Variants in GLDC observed in about 807,000 individuals in gnomAD.
GLDC encodes glycine dehydrogenase (decarboxylating), mitochondrial.
A neutral mutation model predicts 121.3 loss-of-function variants in GLDC; 104 were observed. The observed-to-expected ratio is 0.86, with a 90% confidence interval of 0.73 to 1.01. The LOEUF (loss-of-function observed/expected upper bound fraction) is 1.01. GLDC is among the 50% of genes least tolerant of loss of function. The probability of loss-of-function intolerance (pLI) is 0.00; values close to 1 mark genes in which losing one functional copy is unlikely to be tolerated. For missense variants in GLDC, 1,429 were observed against 1,306.6 expected (o/e 1.09, Z -1.44); for synonymous variants, 546 against 480.6 (o/e 1.14, Z -1.78).
chr9:6,626,589 T>G (rs913022225), intron 2 of GLDC, among the ~76,000 whole-genome samples: 1 of 152,198 alleles, frequency 6.6e-6, no homozygotes, highest in Non-Finnish European at 1.5e-5. Context: ...TTCAAGTGTT[T>G]CATTCAAATG....
At chr9:6,578,192 C>G (rs2129801791) in intron 15 of GLDC, among the ~76,000 whole-genome samples, 1 of 152,046 alleles carries the variant, frequency 6.6e-6, no homozygotes, top group East Asian at 1.9e-4. Flanking sequence ...GTGAACATGG[C>G]TCACTGCAGC....
chr9:6,635,531 G>A (rs761176013), intron 2 of GLDC, among the ~76,000 whole-genome samples: 3 of 152,092 alleles, frequency 2.0e-5, no homozygotes, highest in South Asian at 2.1e-4. Context: ...TAGTCATACC[G>A]CTGCACTCTA....
rs772682541 is a variant in GLDC, at chr9:6,536,055, C to T, written c.2838+9G>A. On this transcript the variant is annotated intron_variant, in intron 23 of 24. Coordinates refer to ENST00000321612, the MANE Select transcript of GLDC (RefSeq NM_000170.3). ...GAACATTTCAAGCAATGTTCCAGGG[C>T]CTACGCACCTTCAGCGGATTGACCC... 3 of 1,609,814 alleles carry T rather than the reference C, an allele frequency of 1.9e-6. No homozygotes were observed. Among genetic ancestry groups the T allele is most frequent in the African/African-American group, 1.3e-5 (1 of 74,944 alleles).
chr9:6,551,145 T>C (rs1415124582), intron 20 of GLDC, among the ~76,000 whole-genome samples: 1 of 152,252 alleles, frequency 6.6e-6, no homozygotes, highest in African/African-American at 2.4e-5. Flanking sequence ...TTCTTTATTG[T>C]AGTAGCAAAG....
chr9:6,559,406 T>C (rs1332569496), intron 16 of GLDC, among the ~76,000 whole-genome samples: 2 of 149,686 alleles, frequency 1.3e-5, no homozygotes, highest in Non-Finnish European at 2.9e-5. Flanking sequence ...TCCCAGTTAC[T>C]CGAGAGGCTG....
At chr9:6,577,621 A>C (rs1818092389) in intron 15 of GLDC, among the ~76,000 whole-genome samples, 1 of 152,156 alleles carries the variant, frequency 6.6e-6, no homozygotes, top group African/African-American at 2.4e-5. Context: ...CAAAAAGTAA[A>C]ATCACCTGAT....
At chr9:6,560,794 G>C (rs1817739915) in intron 16 of GLDC, among the ~76,000 whole-genome samples, 1 of 152,186 alleles carries the variant, frequency 6.6e-6, no homozygotes, top group Non-Finnish European at 1.5e-5. Flanking sequence ...CGGAACCTGT[G>C]GGTGTTTCCT....
In GLDC at chr9:6,534,653, G is replaced by T. The variant is rs762969885; in HGVS notation, c.2919+55C>A. 8 of 883,360 alleles carry T rather than the reference G, an allele frequency of 9.1e-6. No individual in the cohort carries two copies. The South Asian group carries it at 9.4e-5, about 10-fold the overall frequency. 54.7% of individuals were successfully genotyped at this position (883,360 alleles called of 1,614,324 possible). On this transcript the variant is annotated intron_variant, in intron 24 of 24. Coordinates refer to ENST00000321612, the MANE Select transcript of GLDC (RefSeq NM_000170.3). ...GAGGCTAAGAGCGTACACCCGTCAG[G>T]ATAGGAGCTGGCCCATGCCTTCCCA...
intron 5 of GLDC, among the ~76,000 whole-genome samples, chr9:6,606,309 C>CAAAAA (rs56758871): frequency 1.2e-4 from 11 of 90,026 alleles, no homozygotes; most frequent in East Asian, 3.7e-4. Context: ...GACTCCGTCT[C>CAAAAA]AAAAAAAAAA....
intron 21 of GLDC, among the ~76,000 whole-genome samples, chr9:6,549,113 A>T (rs995163428): frequency 1.3e-5 from 2 of 152,190 alleles, no homozygotes; most frequent in Admixed American, 6.5e-5. Context: ...TAAGACTCAT[A>T]ATTTAAAATC....
chr9:6,585,117 G>A (rs1929931), intron 15 of GLDC: 81,409 of 151,992 alleles, frequency 0.54, 22,307 homozygotes, highest in African/African-American at 0.58. Flanking sequence ...GGGCATCAGG[G>A]ATGTTATAAA....
chr9:6,629,958 T>TATATATATATATA, intron 2 of GLDC, among the ~76,000 whole-genome samples: 19 of 78,580 alleles, frequency 2.4e-4, no homozygotes, highest in Admixed American at 6.4e-4. Context: ...TATATATATA[T>TATATATATATATA]TTTTTTTTTT....
chr9:6,582,823 C>T (rs1318760814), intron 15 of GLDC, among the ~76,000 whole-genome samples: 4 of 147,222 alleles, frequency 2.7e-5, no homozygotes, highest in South Asian at 4.3e-4. Flanking sequence ...AGCGAGACCT[C>T]GTCTCAAAAA....
intron 15 of GLDC, among the ~76,000 whole-genome samples, chr9:6,576,611 C>T (rs140108204): frequency 0.012 from 1,852 of 152,168 alleles, 20 homozygotes; most frequent in Non-Finnish European, 0.019. Flanking sequence ...GGATTACAGG[C>T]CCCTGCCACC....
At chr9:6,575,143 T>C (rs941520890) in intron 15 of GLDC, among the ~76,000 whole-genome samples, 1 of 151,404 alleles carries the variant, frequency 6.6e-6, no homozygotes, top group Non-Finnish European at 1.5e-5. Context: ...GAGTCAGAGA[T>C]TGCAGTGAGC....
intron 21 of GLDC, among the ~76,000 whole-genome samples, chr9:6,542,999 T>C (rs1817301687): frequency 6.6e-6 from 1 of 151,226 alleles, no homozygotes. Context: ...GGAAAATCAT[T>C]AGACTAAGTT....
chr9:6,633,920 C>T (rs1404131426), intron 2 of GLDC, among the ~76,000 whole-genome samples: 1 of 145,980 alleles, frequency 6.9e-6, no homozygotes, highest in Non-Finnish European at 1.5e-5. Context: ...AGCTGTGCCT[C>T]CCGGGTTCAC....
chr9:6,626,671 T>G (rs1006185792), intron 2 of GLDC, among the ~76,000 whole-genome samples: 1 of 152,228 alleles, frequency 6.6e-6, no homozygotes, highest in Non-Finnish European at 1.5e-5. Flanking sequence ...AAGAGAGATT[T>G]GAATTTTCCT....
chr9:6,600,912 T>C (rs1041400830), intron 8 of GLDC, among the ~76,000 whole-genome samples: 31 of 152,142 alleles, frequency 2.0e-4, no homozygotes, highest in African/African-American at 7.5e-4. Context: ...CAGTGGCTCA[T>C]GCTTGTAATC....
Sources: allele counts gnomAD v4.1 joint callset (sites outside exome capture counted in the v4.1 genomes callset), GRCh38; gene constraint gnomAD v4.1.1; transcripts MANE v1.5; gene names NCBI Gene and HGNC (gene_info 2026-07-23, HGNC 2026-07-21).